Variants in ARHGEF10 observed in about 807,000 individuals in gnomAD.
ARHGEF10 encodes the protein Rho guanine nucleotide exchange factor 10.
ARHGEF10 carries 140 observed loss-of-function variants against 147.4 expected under a neutral mutation model. The ratio of observed to expected loss-of-function variants is 0.95; its 90% CI spans 0.83 to 1.09. The LOEUF (loss-of-function observed/expected upper bound fraction) is 1.09, where lower values mean the gene tolerates loss of function less well. Ranked by LOEUF, ARHGEF10 falls within the 50% of genes least tolerant of loss-of-function variation. ARHGEF10 has a pLI of 0.00. For synonymous variants in ARHGEF10, 902 were observed against 695.8 expected (o/e 1.30, Z -4.67); for missense variants, 2,222 against 1,752.7 (o/e 1.27, Z -4.78).
intron 9 of ARHGEF10, 94 bp downstream of exon 9, chr8:1,880,258 G>A: frequency 1.1e-6 from 1 of 870,768 alleles, no homozygotes; most frequent in Non-Finnish European, 1.9e-6. Flanking sequence ...CTCAACAGCG[G>A]TTCTCAAAGG....
Position 1,957,607 on chromosome 8 carries a change from CATATT to C in ARHGEF10, c.*346_*350del, listed in dbSNP as rs1173453067. 7.2e-5 allele frequency: 21 copies of C among 291,646 alleles called. No individual in the cohort carries two copies. The East Asian group carries it at 1.4e-3, about 20-fold the overall frequency. 18.1% of individuals were successfully genotyped at this position (291,646 alleles called of 1,614,324 possible). ...TTCATCAGCGTCAGACCTATTGTAT[CATATT>C]AGAGAATTTGCAGACTAAGAATTTA... On this transcript the variant is annotated 3_prime_UTR_variant, in exon 29 of 29. Coordinates refer to ENST00000349830, the MANE Select transcript of ARHGEF10 (RefSeq NM_014629.4).
At chr8:1,857,796 T>C (rs1208281979) in intron 2 of ARHGEF10, among the ~76,000 whole-genome samples, 164 bp from the exon 3 acceptor site, 2 of 152,214 alleles carry the variant, frequency 1.3e-5, no homozygotes, top group Middle Eastern at 3.4e-3. Flanking sequence ...ATGATACTTA[T>C]TTTGCCCCTT....
chr8:1,909,552 C>G, intron 18 of ARHGEF10, 82 bp downstream of exon 18: 1 of 1,568,992 alleles, frequency 6.4e-7, no homozygotes. Context: ...CCAGCGTAAG[C>G]TCCACCATCA....
intron 25 of ARHGEF10, 61 bp downstream of exon 25, chr8:1,929,504 C>G: frequency 6.5e-7 from 1 of 1,527,482 alleles, no homozygotes. Flanking sequence ...GACTGTGCAT[C>G]CGGTTTAGCC....
At chr8:1,923,324 C>T in intron 19 of ARHGEF10, 144 bp from the exon 20 acceptor site, 1 of 1,278,266 alleles carries the variant, frequency 7.8e-7, no homozygotes, top group South Asian at 1.4e-5. Flanking sequence ...ACAGTGTGAT[C>T]TGACTCCCAA....
At chr8:1,837,735 T>C (rs11990890) in intron 1 of ARHGEF10, among the ~76,000 whole-genome samples, 79,445 of 151,998 alleles carry the variant, frequency 0.52, 21,067 homozygotes, top group East Asian at 0.61. Flanking sequence ...GAGCGTGGGT[T>C]ACCAGGGGAG....
At chr8:1,892,063 A>G (rs1809574278) in intron 11 of ARHGEF10, among the ~76,000 whole-genome samples, 2 of 150,660 alleles carry the variant, frequency 1.3e-5, no homozygotes, top group African/African-American at 4.9e-5. Flanking sequence ...ACACAAATAC[A>G]TTTTTATGTT....
chr8:1,893,067 T>A lies in ARHGEF10; in HGVS notation c.1183-502T>A, dbSNP rs537526829. Among the ~76,000 whole-genome samples, 4 of 145,274 alleles carry A rather than the reference T, an allele frequency of 2.8e-5. No homozygotes were observed. In the South Asian group the frequency reaches 6.7e-4, roughly 24 times the overall value. ...CCACATTCTTGGCCTCATAGGTAGA[T>A]CTTTGGATGGTTGAAAGATCTTTGC... On this transcript the variant is annotated intron_variant, in intron 11 of 28. Transcript: ENST00000349830.
At chr8:1,884,982 C>A (rs1400959695) in intron 10 of ARHGEF10, among the ~76,000 whole-genome samples, 1 of 152,166 alleles carries the variant, frequency 6.6e-6, no homozygotes, top group East Asian at 1.9e-4. Context: ...CCAGGCTGGT[C>A]TTGAGCTCCT....
At chr8:1,889,131 T>TGTTAGTGGGGTGAGGGTTGTAAGGGGAAA (rs1809133983) in intron 11 of ARHGEF10, among the ~76,000 whole-genome samples, 1 of 61,192 alleles carries the variant, frequency 1.6e-5, no homozygotes, top group African/African-American at 1.0e-4. Context: ...GAGGAGACAC[T>TGTTAGTGGGGTGAGGGTTGTAAGGGGAAA]GTGAGTGGGG....
chr8:1,934,444 T>C (rs1391329146), intron 26 of ARHGEF10, among the ~76,000 whole-genome samples: 1 of 152,042 alleles, frequency 6.6e-6, no homozygotes, highest in Non-Finnish European at 1.5e-5. Flanking sequence ...CAACTAACCA[T>C]TTTTTAACCA....
At chr8:1,953,226 CCG>C (rs1585669544) in intron 28 of ARHGEF10, among the ~76,000 whole-genome samples, 2 of 128,814 alleles carry the variant, frequency 1.6e-5, no homozygotes, top group East Asian at 2.3e-4. Flanking sequence ...GCCGGGATCT[CCG>C]TCGTTCCTTT....
intron 28 of ARHGEF10, among the ~76,000 whole-genome samples, chr8:1,956,500 T>C (rs1420696567): frequency 6.6e-6 from 1 of 152,230 alleles, no homozygotes; most frequent in African/African-American, 2.4e-5. Context: ...ACTGAAATAG[T>C]GCTGAGGAAA....
chr8:1,849,981 C>CGTGG lies in ARHGEF10; in HGVS notation c.37+6545_37+6546insGTGG, dbSNP rs1804935668. Among the ~76,000 whole-genome samples the CGTGG allele has an allele frequency of 2.5e-5, 2 of 78,918 alleles. 1 individual carries two copies. Among genetic ancestry groups the CGTGG allele is most frequent in the Non-Finnish European group, 6.2e-5 (2 of 32,514 alleles). The allele number at this position is 78,918 out of a possible 152,430, so 51.8% of individuals were successfully genotyped here. A position where few individuals can be genotyped will look rare whatever the true frequency, so the allele number is the denominator to read the frequency against. Reference sequence around the variant, plus strand: ...TGCTGAGGAGGGCGTGGGCCGGCTGCATGGACACAGAGGGCAAATGCTGAG... The same window carrying CGTGG: ...TGCTGAGGAGGGCGTGGGCCGGCTGCGTGGATGGACACAGAGGGCAAATGCTGAG... On this transcript the variant is annotated intron_variant, in intron 2 of 28. Coordinates refer to ENST00000349830, the MANE Select transcript of ARHGEF10 (RefSeq NM_014629.4).
intron 26 of ARHGEF10, among the ~76,000 whole-genome samples, chr8:1,934,290 G>GCT (rs1813389893): frequency 1.4e-5 from 2 of 144,290 alleles, no homozygotes; most frequent in Non-Finnish European, 3.0e-5. Context: ...GGAGGTCCAG[G>GCT]CTTCATTGAG....
In ARHGEF10 at chr8:1,880,178, C is replaced by T. The variant is rs763848971; in HGVS notation, c.960+14C>T. 1.3e-6 allele frequency: 2 copies of T among 1,586,402 alleles called. No homozygotes were observed. The highest frequency in any genetic ancestry group is 1.7e-6 in the Non-Finnish European group (2 of 1,155,456). ...CATGAACTGAAGGTAGAGTCTTGCC[C>T]CCGGCCGCTGCCCCCACTTGCCAGC... On this transcript the variant is annotated intron_variant, in intron 9 of 28. Transcript: ENST00000349830.
intron 7 of ARHGEF10, 22 bp downstream of exon 7, chr8:1,869,272 A>G (rs1379329735): frequency 1.9e-6 from 3 of 1,605,650 alleles, no homozygotes; most frequent in Non-Finnish European, 2.6e-6. Context: ...TCTGGAATTG[A>G]TTTGAGGAGA....
At position 1,941,188 on chromosome 8, in the gene ARHGEF10, G is replaced by C. The variant is rs896090775; in HGVS notation, c.3223-4293G>C. 2.6e-5 allele frequency among the ~76,000 whole-genome samples: 4 copies of C among 152,322 alleles called. No individual in the cohort carries two copies. In the South Asian group the frequency reaches 6.2e-4, roughly 24 times the overall value. ...AAGAAGTAAAGTTGCATTTGCATAT[G>C]ATATCCTCTTGTATGTAGAATATTC... is the stretch of plus-strand genomic sequence containing the variant. On this transcript the variant is annotated intron_variant, in intron 26 of 28. Transcript: ENST00000349830.
chr8:1,945,371 A>G, intron 26 of ARHGEF10, 110 bp from the exon 27 acceptor site: 2 of 1,303,732 alleles, frequency 1.5e-6, no homozygotes, highest in Admixed American at 3.9e-5. Flanking sequence ...AAAGCCTGCT[A>G]CTGTGTTGCA....
Sources: allele counts gnomAD v4.1 joint callset (sites outside exome capture counted in the v4.1 genomes callset), GRCh38; gene constraint gnomAD v4.1.1; transcripts MANE v1.5; gene names NCBI Gene and HGNC (gene_info 2026-07-23, HGNC 2026-07-21).